ZDHHC14: variants seen among roughly 807,000 people sequenced by gnomAD.
The protein encoded by ZDHHC14 is palmitoyltransferase ZDHHC14.
ZDHHC14 carries 16 observed loss-of-function variants against 47.7 expected under a neutral mutation model. The ratio of observed to expected loss-of-function variants is 0.34; its 90% CI spans 0.23 to 0.51. The LOEUF (loss-of-function observed/expected upper bound fraction) is 0.51. Among genes scored for constraint, ZDHHC14 ranks in the 20% least tolerant of loss-of-function variants. The pLI is 0.97. For missense variants in ZDHHC14, 515 were observed against 662.5 expected (o/e 0.78, Z 2.44); for synonymous variants, 293 against 278.9 (o/e 1.05, Z -0.50).
chr6:157,482,378 C>G (rs1022005403), intron 1 of ZDHHC14, among the ~76,000 whole-genome samples: 3 of 151,398 alleles, frequency 2.0e-5, no homozygotes, highest in African/African-American at 7.3e-5. Flanking sequence ...CTCAGCCTTC[C>G]AAGTAGCTGG....
At chr6:157,510,054 G>A (rs1289729503) in intron 1 of ZDHHC14, among the ~76,000 whole-genome samples, 1 of 152,160 alleles carries the variant, frequency 6.6e-6, no homozygotes, top group African/African-American at 2.4e-5. Context: ...AGACCAGCCT[G>A]GCAAACATGG....
At chr6:157,585,493 T>C (rs1783659262) in intron 2 of ZDHHC14, among the ~76,000 whole-genome samples, 1 of 151,282 alleles carries the variant, frequency 6.6e-6, no homozygotes, top group African/African-American at 2.4e-5. Context: ...TTGTGCCACA[T>C]GACACAGGCC....
chr6:157,563,349 C>T (rs1379277469), intron 2 of ZDHHC14, among the ~76,000 whole-genome samples: 2 of 152,226 alleles, frequency 1.3e-5, no homozygotes, highest in Non-Finnish European at 1.5e-5. Flanking sequence ...GAAGAGGAGC[C>T]GGAGCAGGTC....
intron 1 of ZDHHC14, among the ~76,000 whole-genome samples, chr6:157,487,188 G>A (rs1453952497): frequency 3.3e-5 from 5 of 152,226 alleles, no homozygotes; most frequent in Admixed American, 1.3e-4. Context: ...CCACCTTGCC[G>A]GGAGTGTGAG....
At chr6:157,557,148 G>A (rs148846959) in intron 2 of ZDHHC14, among the ~76,000 whole-genome samples, 7 of 152,334 alleles carry the variant, frequency 4.6e-5, no homozygotes, top group East Asian at 3.9e-4. Context: ...CTGAACTGCC[G>A]GGCTGCTCGG....
intron 1 of ZDHHC14, among the ~76,000 whole-genome samples, chr6:157,484,653 T>A (rs925860913): frequency 2.0e-5 from 3 of 151,718 alleles, no homozygotes; most frequent in African/African-American, 7.3e-5. Context: ...CAATCAAAAA[T>A]TTTTCCAGCA....
chr6:157,592,420 G>A (rs1203161854), intron 2 of ZDHHC14, among the ~76,000 whole-genome samples: 1 of 152,126 alleles, frequency 6.6e-6, no homozygotes, highest in African/African-American at 2.4e-5. Flanking sequence ...GCATTTTTGA[G>A]GTAGCCAATG....
intron 2 of ZDHHC14, among the ~76,000 whole-genome samples, chr6:157,548,310 A>G (rs1453437102): frequency 2.0e-5 from 3 of 152,058 alleles, no homozygotes; most frequent in Non-Finnish European, 4.4e-5. Context: ...CCTCTCACGC[A>G]CTCTGACTAG....
chr6:157,540,910 G>GTATA lies in ZDHHC14; in HGVS notation c.246-1654_246-1651dup, dbSNP rs1554264587. Among the ~76,000 whole-genome samples, 751 of 122,962 alleles carry GTATA rather than the reference G, an allele frequency of 6.1e-3. 8 individuals carry two copies. Among genetic ancestry groups the GTATA allele is most frequent in the Non-Finnish European group, 0.01 (663 of 64,258 alleles). 80.7% of individuals were successfully genotyped at this position (122,962 alleles called of 152,430 possible). A position where few individuals can be genotyped will look rare whatever the true frequency, so the allele number is the denominator to read the frequency against. On this transcript the variant is annotated intron_variant, in intron 1 of 8. Coordinates refer to ENST00000359775, the MANE Select transcript of ZDHHC14 (RefSeq NM_024630.3). ...TGTATGTGTGTGTGTGTGTGTGTGT[G>GTATA]TATATATATATATATATATATATAA...
At chr6:157,401,280 G>A (rs1777630100) in intron 1 of ZDHHC14, among the ~76,000 whole-genome samples, 1 of 152,112 alleles carries the variant, frequency 6.6e-6, no homozygotes, top group African/African-American at 2.4e-5. Flanking sequence ...GTCAAAATAG[G>A]CACTTTTCAA....
intron 1 of ZDHHC14, among the ~76,000 whole-genome samples, chr6:157,495,695 ATTTTTTTTTTT>A (rs71027341): frequency 2.9e-5 from 3 of 104,344 alleles, no homozygotes; most frequent in African/African-American, 3.6e-5. Flanking sequence ...TTCGGGTTGA[ATTTTTTTTTTT>A]TTTTTTTTTT....
Position 157,673,164 on chromosome 6 carries a change from T to C in ZDHHC14, c.*42T>C, listed in dbSNP as rs1232067697. On this transcript the variant is annotated 3_prime_UTR_variant, in exon 9 of 9. Transcript: ENST00000359775. The surrounding 1 kb of genome is among the most constrained non-coding windows in gnomAD (Gnocchi z 5.4). The stretch of plus-strand genomic sequence containing the variant: ...CCGGGGGACACCAGAGGCTCCTCCA[T>C]GGGCAGCAGGAGTGAGCGGAGGGGT... 1 of 1,526,720 alleles carries C rather than the reference T, an allele frequency of 6.5e-7. No individual in the cohort carries two copies. Among genetic ancestry groups the C allele is most frequent in the East Asian group, 2.4e-5 (1 of 42,042 alleles). 94.6% of individuals were successfully genotyped at this position (1,526,720 alleles called of 1,614,324 possible). A position where few individuals can be genotyped will look rare whatever the true frequency, so the allele number is the denominator to read the frequency against.
chr6:157,489,435 G>GTTT (rs149802681), intron 1 of ZDHHC14, among the ~76,000 whole-genome samples: 69 of 147,292 alleles, frequency 4.7e-4, no homozygotes, highest in African/African-American at 1.6e-3. Flanking sequence ...TCTTTCAGTT[G>GTTT]TTTTTTTTTT....
intron 5 of ZDHHC14, among the ~76,000 whole-genome samples, chr6:157,635,997 C>T (rs1312242120): frequency 4.6e-5 from 7 of 152,228 alleles, no homozygotes; most frequent in African/African-American, 1.7e-4. Flanking sequence ...CACAGCCAGG[C>T]GCTCCCCCTT....
chr6:157,667,443 G>A (rs1400020090), intron 8 of ZDHHC14, among the ~76,000 whole-genome samples: 2 of 152,042 alleles, frequency 1.3e-5, no homozygotes, highest in Admixed American at 1.3e-4. Flanking sequence ...AAAAAAGAGA[G>A]AGGTAGAAAG....
At position 157,481,429 on chromosome 6, in the gene ZDHHC14, G is replaced by C. The variant is rs370490053; in HGVS notation, c.246-61156G>C. Among the ~76,000 whole-genome samples, 39 of 151,790 alleles carry C rather than the reference G, an allele frequency of 2.6e-4. No homozygotes were observed. In the East Asian group the frequency reaches 6.0e-3, roughly 23 times the overall value. On this transcript the variant is annotated intron_variant, in intron 1 of 8. Coordinates refer to ENST00000359775, the MANE Select transcript of ZDHHC14 (RefSeq NM_024630.3). ...GTGAGGTGATGCGACTGGTTGTACA[G>C]TGAGGTGCTGGTCAAGAGGAGGCCC...
intron 2 of ZDHHC14, among the ~76,000 whole-genome samples, chr6:157,546,206 G>T (rs1375388997): frequency 2.6e-5 from 4 of 152,186 alleles, no homozygotes; most frequent in Non-Finnish European, 5.9e-5. Context: ...CCTTCATAAG[G>T]AGTCCTCCCG....
chr6:157,615,241 C>A (rs1029416610), intron 3 of ZDHHC14, among the ~76,000 whole-genome samples: 5 of 152,190 alleles, frequency 3.3e-5, no homozygotes, highest in Non-Finnish European at 5.9e-5. Context: ...GAAGTGCTTG[C>A]AGCTTTATGT....
At chr6:157,517,940 T>G (rs939649740) in intron 1 of ZDHHC14, among the ~76,000 whole-genome samples, 4 of 152,214 alleles carry the variant, frequency 2.6e-5, no homozygotes, top group Admixed American at 2.6e-4. Flanking sequence ...AACCACAGCT[T>G]GAGCTGGGAA....
Sources: allele counts gnomAD v4.1 joint callset (sites outside exome capture counted in the v4.1 genomes callset), GRCh38; gene constraint gnomAD v4.1.1; non-coding constraint Gnocchi (gnomAD v3.1); transcripts MANE v1.5; gene names NCBI Gene and HGNC (gene_info 2026-07-23, HGNC 2026-07-21).